The following RARB variants were observed in gnomAD, a reference collection of about 807,000 sequenced individuals.
RARB encodes retinoic acid receptor beta.
In RARB, 17 loss-of-function variants were observed where a neutral mutation model predicts 51.9. That is an observed-to-expected ratio of 0.33 (90% CI 0.22 to 0.49). The LOEUF (loss-of-function observed/expected upper bound fraction) is 0.49, where lower values mean the gene tolerates loss of function less well. RARB is among the 20% of genes least tolerant of loss of function. The pLI is 0.99. For missense variants in RARB, 369 were observed against 550.8 expected (o/e 0.67, Z 3.30); for synonymous variants, 215 against 195.4 (o/e 1.10, Z -0.84).
chr3:25,346,170 G>A (rs574263926), intron 5 of RARB, among the ~76,000 whole-genome samples: 73 of 152,182 alleles, frequency 4.8e-4, no homozygotes, highest in East Asian at 1.9e-3. Flanking sequence ...TACCTTTTCC[G>A]TTTATTTTTA....
intron 5 of RARB, among the ~76,000 whole-genome samples, chr3:25,397,626 C>T (rs1218491398): frequency 6.6e-6 from 1 of 152,026 alleles, no homozygotes; most frequent in African/African-American, 2.4e-5. Flanking sequence ...TTTTTAAAAC[C>T]CCAATATTGA....
At chr3:25,095,487 A>T (rs1314363748) in intron 3 of RARB, among the ~76,000 whole-genome samples, 3 of 152,316 alleles carry the variant, frequency 2.0e-5, no homozygotes, top group East Asian at 3.9e-4. Context: ...TTCCGATGCA[A>T]GCCAACCCCC....
At position 25,596,666 on chromosome 3, in the gene RARB, T is replaced by C. The variant is rs1231554572; in HGVS notation, c.*50T>C. The stretch of plus-strand genomic sequence containing the variant: ...TTCCCCAGTACCTTCAGTTCCAGGA[T>C]TTAAAATGCAAGAAAAAACATTTTT... On this transcript the variant is annotated 3_prime_UTR_variant, in exon 8 of 8. Coordinates refer to ENST00000330688, the MANE Select transcript of RARB (RefSeq NM_000965.5). 3.5e-6 allele frequency: 5 copies of C among 1,443,162 alleles called. No homozygotes were observed. Among genetic ancestry groups the C allele is most frequent in the African/African-American group, 1.4e-5 (1 of 70,090 alleles). 89.4% of individuals were successfully genotyped at this position (1,443,162 alleles called of 1,614,324 possible). A position where few individuals can be genotyped will look rare whatever the true frequency, so the allele number is the denominator to read the frequency against.
intron 5 of RARB, among the ~76,000 whole-genome samples, chr3:25,193,588 T>G (rs556018224): frequency 1.3e-5 from 2 of 152,064 alleles, no homozygotes; most frequent in Admixed American, 1.3e-4. Context: ...GTAGAAATTA[T>G]CAAATTTTAT....
At chr3:25,149,799 C>T (rs1192125948) in intron 4 of RARB, among the ~76,000 whole-genome samples, 3 of 152,198 alleles carry the variant, frequency 2.0e-5, no homozygotes, top group Admixed American at 6.5e-5. Context: ...CATTCTTTGG[C>T]TACAACTGTG....
chr3:25,107,268 G>C (rs75093998), intron 3 of RARB, among the ~76,000 whole-genome samples: 4,672 of 152,216 alleles, frequency 0.031, 211 homozygotes, highest in African/African-American at 0.099. Flanking sequence ...CTTATATGCA[G>C]ATACATTGTG....
chr3:24,950,048 G>A (rs1192852787), intron 2 of RARB, among the ~76,000 whole-genome samples: 2 of 152,152 alleles, frequency 1.3e-5, no homozygotes, highest in Admixed American at 6.5e-5. Context: ...TGTTAATGTA[G>A]GTGAGCATCA....
chr3:25,433,184 G>T (rs1354351545), intron 1 of RARB, among the ~76,000 whole-genome samples: 2 of 152,134 alleles, frequency 1.3e-5, no homozygotes, highest in African/African-American at 4.8e-5. Context: ...GGGTAGTTAT[G>T]ACAATCATGT....
intron 2 of RARB, among the ~76,000 whole-genome samples, chr3:24,881,330 G>A (rs964824013): frequency 6.6e-6 from 1 of 152,160 alleles, no homozygotes; most frequent in Admixed American, 6.5e-5. Flanking sequence ...TTTTAAGAAA[G>A]TGAAGTCTGA....
chr3:25,534,068 T>G (rs1379451230), intron 3 of RARB, among the ~76,000 whole-genome samples: 1 of 152,272 alleles, frequency 6.6e-6, no homozygotes, highest in Non-Finnish European at 1.5e-5. Flanking sequence ...TGACTTTATT[T>G]GGCTCAATGC....
chr3:24,939,443 T>C (rs1695613055), intron 2 of RARB, among the ~76,000 whole-genome samples: 1 of 152,224 alleles, frequency 6.6e-6, no homozygotes, highest in Non-Finnish European at 1.5e-5. Flanking sequence ...TTATATAGTC[T>C]TTTTAAATCT....
At chr3:25,494,253 G>GCACACACGCACACACACACA (rs757972807) in intron 2 of RARB, among the ~76,000 whole-genome samples, 2 of 131,852 alleles carry the variant, frequency 1.5e-5, no homozygotes, top group African/African-American at 5.2e-5. Context: ...TGTATCTTAC[G>GCACACACGCACACACACACA]CACACACACA....
intron 3 of RARB, among the ~76,000 whole-genome samples, chr3:25,501,542 G>A (rs1032235641): frequency 6.6e-6 from 1 of 152,198 alleles, no homozygotes; most frequent in African/African-American, 2.4e-5. Context: ...GTGGATGTCA[G>A]ATTTGTATTC....
chr3:25,565,008 C>T (rs1375354126), intron 3 of RARB, among the ~76,000 whole-genome samples: 1 of 152,164 alleles, frequency 6.6e-6, no homozygotes, highest in African/African-American at 2.4e-5. Context: ...TAGCATCCCT[C>T]AATTTACCCT....
chr3:25,586,373 T>A (rs563289994), intron 5 of RARB, among the ~76,000 whole-genome samples: 19 of 152,040 alleles, frequency 1.2e-4, no homozygotes, highest in Middle Eastern at 3.4e-3. Flanking sequence ...TCAGTGAGAG[T>A]AGGAACCATC....
intron 2 of RARB, among the ~76,000 whole-genome samples, chr3:25,490,215 A>T (rs936772804): frequency 3.3e-5 from 5 of 152,240 alleles, no homozygotes; most frequent in Non-Finnish European, 7.3e-5. Flanking sequence ...GAAAAATTCC[A>T]GTGAGAAGAT....
chr3:24,996,623 G>A (rs1697046209), intron 2 of RARB, among the ~76,000 whole-genome samples: 1 of 152,038 alleles, frequency 6.6e-6, no homozygotes, highest in Non-Finnish European at 1.5e-5. Context: ...AGCTTTTGCT[G>A]TATCCCATAG....
At chr3:24,956,635 A>G (rs575365074) in intron 2 of RARB, among the ~76,000 whole-genome samples, 27 of 152,316 alleles carry the variant, frequency 1.8e-4, no homozygotes, top group African/African-American at 6.3e-4. Context: ...TGTGTTGACT[A>G]TTTGCCAAAA....
chr3:25,309,578 A>G (rs573852992), intron 5 of RARB, among the ~76,000 whole-genome samples: 1 of 129,184 alleles, frequency 7.7e-6, no homozygotes, highest in African/African-American at 3.0e-5. Flanking sequence ...GCTCACTGCA[A>G]CCTCCCCCTC....
Sources: allele counts gnomAD v4.1 joint callset (sites outside exome capture counted in the v4.1 genomes callset), GRCh38; gene constraint gnomAD v4.1.1; transcripts MANE v1.5; gene names NCBI Gene and HGNC (gene_info 2026-07-23, HGNC 2026-07-21).